Variants in C3orf33 observed in about 807,000 individuals in gnomAD.
The protein encoded by C3orf33 is AP-1 activity suppressor.
C3orf33 carries 23 observed loss-of-function variants against 28.7 expected under a neutral mutation model. That is an observed-to-expected ratio of 0.80 (90% CI 0.58 to 1.13). The LOEUF (loss-of-function observed/expected upper bound fraction) is 1.13. Ranked by LOEUF, C3orf33 falls within the 50% of genes most tolerant of loss-of-function variation. The pLI, the probability that C3orf33 is intolerant of heterozygous loss-of-function variation, is 0.00. For synonymous variants in C3orf33, 119 were observed against 120.5 expected (o/e 0.99, Z 0.08); for missense variants, 327 against 353.4 (o/e 0.93, Z 0.60).
chr3:155,804,705 A>C (rs1283797558), intron 1 of C3orf33, among the ~76,000 whole-genome samples: 3 of 152,144 alleles, frequency 2.0e-5, no homozygotes. Flanking sequence ...TCTCAATGTT[A>C]TAATCCCCCA....
chr3:155,795,212 T>G (rs143741343), intron 2 of C3orf33, among the ~76,000 whole-genome samples: 1 of 152,128 alleles, frequency 6.6e-6, no homozygotes, highest in African/African-American at 2.4e-5. Flanking sequence ...TCCCAGCACT[T>G]TGGGAGGCCG....
intron 3 of C3orf33, 82 bp from the exon 4 acceptor site, chr3:155,767,751 A>T: frequency 1.1e-6 from 1 of 902,050 alleles, no homozygotes; most frequent in Non-Finnish European, 1.6e-6. Context: ...TCCAACAAAC[A>T]AACAAATATA....
intron 3 of C3orf33, among the ~76,000 whole-genome samples, chr3:155,774,687 T>TA (rs1491299753): frequency 9.9e-6 from 1 of 100,686 alleles, no homozygotes; most frequent in African/African-American, 3.8e-5. Flanking sequence ...TTTTTTTTTT[T>TA]AGCTCATCAG....
intron 3 of C3orf33, among the ~76,000 whole-genome samples, chr3:155,770,962 CTGTG>C (rs3068982): frequency 1.7e-4 from 22 of 129,990 alleles, no homozygotes; most frequent in South Asian, 2.7e-4. Context: ...GCATGAACCA[CTGTG>C]TGTGTGTGTG....
intron 4 of C3orf33, among the ~76,000 whole-genome samples, chr3:155,766,197 T>G (rs1305369054): frequency 6.6e-6 from 1 of 152,130 alleles, no homozygotes; most frequent in Non-Finnish European, 1.5e-5. Context: ...CCCTCATAAT[T>G]ATAATTTTAA....
rs1018610550 is a variant in C3orf33, at chr3:155,779,664, G to C, written c.175-3816C>G. ...CCAGAAGAAGGGCAAAAAAAAAATAGGCACCTGGAAACCATATCACCCAGG... is the reference window on the plus strand; with the variant it reads ...CCAGAAGAAGGGCAAAAAAAAAATACGCACCTGGAAACCATATCACCCAGG... On this transcript the variant is annotated intron_variant, in intron 2 of 4. Coordinates refer to ENST00000340171, the MANE Select transcript of C3orf33 (RefSeq NM_001308229.2). Among the ~76,000 whole-genome samples, 8 of 152,008 alleles carry C rather than the reference G, an allele frequency of 5.3e-5. No individual in the cohort carries two copies. In the South Asian group the frequency reaches 6.2e-4, roughly 12 times the overall value.
At chr3:155,775,667 ATAGT>A (rs1446070636) in intron 3 of C3orf33, 30 bp downstream of exon 3, 8 of 1,386,760 alleles carry the variant, frequency 5.8e-6, no homozygotes, top group South Asian at 2.8e-5. Flanking sequence ...GAAGACCACA[ATAGT>A]TAGTTTCATT....
intron 2 of C3orf33, among the ~76,000 whole-genome samples, chr3:155,785,326 A>G (rs1751066192): frequency 6.6e-6 from 1 of 152,156 alleles, no homozygotes. Flanking sequence ...AAGGAAAAAG[A>G]GGACTTAAAT....
chr3:155,767,769 T>A, intron 3 of C3orf33, 100 bp from the exon 4 acceptor site: 1 of 731,652 alleles, frequency 1.4e-6, no homozygotes. Flanking sequence ...ATATTATGTT[T>A]ATTTATAAAT....
chr3:155,788,041 A>T (rs1751186189), intron 2 of C3orf33, among the ~76,000 whole-genome samples: 1 of 151,838 alleles, frequency 6.6e-6, no homozygotes, highest in South Asian at 2.1e-4. Flanking sequence ...AATACAAAAA[A>T]TTAGCCGGGC....
intron 2 of C3orf33, among the ~76,000 whole-genome samples, chr3:155,795,245 C>T (rs916478770): frequency 2.6e-5 from 4 of 152,112 alleles, no homozygotes; most frequent in Admixed American, 6.6e-5. Flanking sequence ...CACCTGAGTT[C>T]GGGAATTCAA....
intron 1 of C3orf33, 123 bp downstream of exon 1, chr3:155,806,016 C>T: frequency 1.6e-6 from 1 of 634,198 alleles, no homozygotes; most frequent in Non-Finnish European, 2.5e-6. Flanking sequence ...GAGCTCATTC[C>T]CCCGCAGTTT....
At chr3:155,770,070 C>T (rs565298904) in intron 3 of C3orf33, among the ~76,000 whole-genome samples, 1 of 152,336 alleles carries the variant, frequency 6.6e-6, no homozygotes, top group Admixed American at 6.5e-5. Flanking sequence ...CACTTTGAAA[C>T]TGCCCGTCTT....
intron 2 of C3orf33, among the ~76,000 whole-genome samples, chr3:155,798,689 C>T (rs1751551635): frequency 6.6e-6 from 1 of 152,110 alleles, no homozygotes; most frequent in Admixed American, 6.6e-5. Flanking sequence ...ATTGGGGAAA[C>T]TCTCCAGGAC....
chr3:155,783,902 T>G (rs1559994156), intron 2 of C3orf33, among the ~76,000 whole-genome samples: 5 of 151,818 alleles, frequency 3.3e-5, no homozygotes, highest in Non-Finnish European at 1.5e-5. Flanking sequence ...TTTATGGGTT[T>G]TTTTGTTTTG....
intron 2 of C3orf33, among the ~76,000 whole-genome samples, chr3:155,795,830 C>A (rs1751460401): frequency 6.6e-6 from 1 of 151,872 alleles, no homozygotes; most frequent in South Asian, 2.1e-4. Context: ...GTGGTGCATG[C>A]CTGTAATCCC....
intron 2 of C3orf33, among the ~76,000 whole-genome samples, chr3:155,794,714 C>A (rs1016748977): frequency 1.3e-5 from 2 of 151,890 alleles, no homozygotes; most frequent in South Asian, 4.2e-4. Context: ...ACAGAAACTG[C>A]AGAAGAGCAG....
rs1279050738 is a variant in C3orf33 at position 155,762,655 on chromosome 3, G to A, written c.*862C>T. 1 of 152,138 alleles carries A rather than the reference G, an allele frequency of 6.6e-6. No individual in the cohort carries two copies. The highest frequency in any genetic ancestry group is 1.5e-5 in the Non-Finnish European group (1 of 68,028). The allele number at this position is 152,138 out of a possible 1,614,324, so 9.4% of individuals were successfully genotyped here. On this transcript the variant is annotated 3_prime_UTR_variant, in exon 5 of 5. Coordinates refer to ENST00000340171, the MANE Select transcript of C3orf33 (RefSeq NM_001308229.2). Reference sequence around the variant, plus strand: ...ATTCCTTTATTATAAATAGTGAAAGGTAATAAAACTGGAAACATAAACACA... The same window carrying A: ...ATTCCTTTATTATAAATAGTGAAAGATAATAAAACTGGAAACATAAACACA...
chr3:155,766,820 T>C (rs1750419112), intron 4 of C3orf33, among the ~76,000 whole-genome samples: 1 of 151,922 alleles, frequency 6.6e-6, no homozygotes, highest in Admixed American at 6.6e-5. Context: ...TGTGGTGGTG[T>C]GCACCTGTAG....
Sources: allele counts gnomAD v4.1 joint callset (sites outside exome capture counted in the v4.1 genomes callset), GRCh38; gene constraint gnomAD v4.1.1; transcripts MANE v1.5; gene names NCBI Gene and HGNC (gene_info 2026-07-23, HGNC 2026-07-21).